Variants in PLB1 observed in about 807,000 individuals in gnomAD.
The protein encoded by PLB1 is phospholipase B1.
Under a neutral mutation model 227.4 loss-of-function variants are expected in PLB1, and 242 were observed. The ratio of observed to expected loss-of-function variants is 1.06; its 90% CI spans 0.96 to 1.18. PLB1 has a LOEUF of 1.18. Among genes scored for constraint, PLB1 ranks in the 50% most tolerant of loss-of-function variants. PLB1 has a pLI of 0.00. For synonymous variants in PLB1, 757 were observed against 682.2 expected (o/e 1.11, Z -1.71); for missense variants, 1,858 against 1,816.3 (o/e 1.02, Z -0.42).
At chr2:28,601,844 A>G in intron 37 of PLB1, 55 bp from the exon 38 acceptor site, 3 of 1,434,982 alleles carry the variant, frequency 2.1e-6, no homozygotes, top group Non-Finnish European at 2.9e-6. Flanking sequence ...GAACTGCCCC[A>G]CTGCCCTCCC....
Position 28,591,182 on chromosome 2 carries a change from C to G in PLB1, c.2127+11C>G. The G allele has an allele frequency of 1.2e-6, 2 of 1,614,124 alleles. No individual in the cohort carries two copies. Among genetic ancestry groups the G allele is most frequent in the Non-Finnish European group, 1.7e-6 (2 of 1,179,962 alleles). ...AAGAACAGCATGCAGGTACCTGCCTCTTGCCTCCTCTTGACTCACCAGGCA... is the reference window on the plus strand; with the variant it reads ...AAGAACAGCATGCAGGTACCTGCCTGTTGCCTCCTCTTGACTCACCAGGCA... On this transcript the variant is annotated intron_variant, in intron 30 of 57. Transcript: ENST00000327757.
rs1681971006 is a variant in PLB1 at position 28,591,694 on chromosome 2, C to T, written c.2128-6C>T. The stretch of plus-strand genomic sequence containing the variant: ...TGAGATTCTGGGATTTGTTCTATGC[C>T]CTTAGGGTCATGGGACCTGGCTGCC... On this transcript the variant is annotated splice_region_variant and splice_polypyrimidine_tract_variant and intron_variant, in intron 30 of 57. Transcript: ENST00000327757. The T allele has an allele frequency of 5.0e-6, 8 of 1,613,862 alleles. No homozygotes were observed. The highest frequency in any genetic ancestry group is 5.1e-6 in the Non-Finnish European group (6 of 1,179,890).
chr2:28,530,253 A>C (rs957100296), intron 8 of PLB1, among the ~76,000 whole-genome samples: 11 of 152,116 alleles, frequency 7.2e-5, no homozygotes, highest in Non-Finnish European at 1.2e-4. Flanking sequence ...GGTGGTGGAG[A>C]GCTTCAGTTC....
intron 25 of PLB1, among the ~76,000 whole-genome samples, chr2:28,583,023 C>CAG (rs1308814295): frequency 6.6e-6 from 1 of 152,126 alleles, no homozygotes; most frequent in African/African-American, 2.4e-5. Flanking sequence ...GTCCAGAGGA[C>CAG]AGAGTCCTCC....
intron 43 of PLB1, among the ~76,000 whole-genome samples, chr2:28,609,700 T>C (rs543907021): frequency 2.0e-5 from 3 of 149,926 alleles, no homozygotes; most frequent in Admixed American, 1.4e-4. Flanking sequence ...AAATAGGAAC[T>C]AATTCTTTGT....
chr2:28,621,213 G>A (rs978998963), intron 49 of PLB1, among the ~76,000 whole-genome samples: 9 of 152,214 alleles, frequency 5.9e-5, no homozygotes, highest in African/African-American at 2.2e-4. Context: ...GAGGAGGCAG[G>A]ATCAGACCAT....
chr2:28,566,292 G>C (rs1676888421), intron 19 of PLB1, among the ~76,000 whole-genome samples: 1 of 152,170 alleles, frequency 6.6e-6, no homozygotes, highest in South Asian at 2.1e-4. Flanking sequence ...ACTCTGGAAT[G>C]CTGCATATTT....
chr2:28,599,913 C>CT (rs1437454869), intron 35 of PLB1, among the ~76,000 whole-genome samples: 1 of 151,930 alleles, frequency 6.6e-6, no homozygotes, highest in Non-Finnish European at 1.5e-5. Context: ...TGCACCTGGC[C>CT]TTTTTTTGTT....
intron 37 of PLB1, 93 bp downstream of exon 37, chr2:28,601,425 C>A: frequency 3.0e-6 from 3 of 1,006,298 alleles, no homozygotes; most frequent in Non-Finnish European, 4.6e-6. Context: ...TAAAACCAAT[C>A]CTAGGATTAT....
At chr2:28,588,147 G>C (rs1681231865) in intron 26 of PLB1, among the ~76,000 whole-genome samples, 1 of 152,124 alleles carries the variant, frequency 6.6e-6, no homozygotes, top group South Asian at 2.1e-4. Context: ...AATAACCACA[G>C]TCACTCACTT....
At chr2:28,557,516 C>T (rs17741435) in intron 17 of PLB1, among the ~76,000 whole-genome samples, 28,617 of 152,172 alleles carry the variant, frequency 0.19, 2,898 homozygotes, top group Middle Eastern at 0.25. Flanking sequence ...CAAGACAAAG[C>T]CCTAGCATGC....
chr2:28,544,401 A>G (rs1410107672), intron 14 of PLB1, among the ~76,000 whole-genome samples: 1 of 152,232 alleles, frequency 6.6e-6, no homozygotes, highest in Admixed American at 6.5e-5. Flanking sequence ...ATTCCAGCTC[A>G]GCCAAACCTC....
rs1006869264 is a variant in PLB1 at position 28,600,800 on chromosome 2, C to A, written c.2475-9C>A. On this transcript the variant is annotated splice_polypyrimidine_tract_variant and intron_variant, in intron 35 of 57. Transcript: ENST00000327757. ...CTCAACAGAAGGATGGGTTTTCTCT[C>A]TTTCTCAGGGATCTTATGAGCCAAG... The A allele has an allele frequency of 6.2e-7, 1 of 1,613,092 alleles. No homozygotes were observed. Among genetic ancestry groups the A allele is most frequent in the Non-Finnish European group, 8.5e-7 (1 of 1,179,204 alleles).
intron 8 of PLB1, 117 bp downstream of exon 8, chr2:28,529,896 C>T (rs1294147009): frequency 6.9e-6 from 6 of 865,122 alleles, no homozygotes; most frequent in Non-Finnish European, 1.1e-5. Flanking sequence ...ACTAGTGTGA[C>T]CTGGGTTCTT....
At chr2:28,584,228 C>A (rs1680533394) in intron 25 of PLB1, among the ~76,000 whole-genome samples, 1 of 152,204 alleles carries the variant, frequency 6.6e-6, no homozygotes, top group Non-Finnish European at 1.5e-5. Flanking sequence ...TCACAAGGGC[C>A]AGACTTGCTC....
intron 25 of PLB1, 47 bp downstream of exon 25, chr2:28,582,552 A>G (rs1304325676): frequency 7.1e-7 from 1 of 1,407,434 alleles, no homozygotes; most frequent in Admixed American, 1.9e-5. Context: ...CCTCACTGCT[A>G]AGGGCAGTGG....
At chr2:28,566,688 G>A in intron 19 of PLB1, 108 bp from the exon 20 acceptor site, 1 of 1,243,298 alleles carries the variant, frequency 8.0e-7, no homozygotes, top group Non-Finnish European at 1.2e-6. Context: ...CAAGCTCCAG[G>A]CCCCCGGGCT....
chr2:28,574,334 T>A, intron 21 of PLB1, among the ~76,000 whole-genome samples: 1 of 43,406 alleles, frequency 2.3e-5, no homozygotes, highest in African/African-American at 6.9e-5. Context: ...CTTTAATCCC[T>A]CACCCCCCCC....
intron 37 of PLB1, 64 bp downstream of exon 37, chr2:28,601,396 C>T: frequency 2.9e-6 from 4 of 1,397,620 alleles, no homozygotes; most frequent in Non-Finnish European, 4.0e-6. Flanking sequence ...CGTTGGAGAT[C>T]TTCCCTGAGA....
Sources: allele counts gnomAD v4.1 joint callset (sites outside exome capture counted in the v4.1 genomes callset), GRCh38; gene constraint gnomAD v4.1.1; transcripts MANE v1.5; gene names NCBI Gene and HGNC (gene_info 2026-07-23, HGNC 2026-07-21).